SRGAP3: variants seen among roughly 807,000 people sequenced by gnomAD.
SRGAP3 encodes SLIT-ROBO Rho GTPase-activating protein 3.
SRGAP3 carries 39 observed loss-of-function variants against 121.1 expected under a neutral mutation model. The observed-to-expected ratio is 0.32, with a 90% CI of 0.25 to 0.42. The LOEUF is 0.42. SRGAP3 is among the 10% of genes least tolerant of loss of function. The pLI, the probability that SRGAP3 is intolerant of heterozygous loss-of-function variation, is 1.00. For missense variants in SRGAP3, 1,213 were observed against 1,470.6 expected (o/e 0.82, Z 2.86); for synonymous variants, 601 against 570.0 (o/e 1.05, Z -0.77).
At chr3:9,311,881 C>T (rs562255929) in intron 3 of SRGAP3, among the ~76,000 whole-genome samples, 11 of 152,290 alleles carry the variant, frequency 7.2e-5, no homozygotes, top group African/African-American at 2.4e-4. Flanking sequence ...TTTTCTGTGT[C>T]AAATCTCTGC....
intron 3 of SRGAP3, among the ~76,000 whole-genome samples, chr3:9,281,570 T>C (rs1252441313): frequency 6.6e-6 from 1 of 152,174 alleles, no homozygotes; most frequent in East Asian, 1.9e-4. Flanking sequence ...ATTACTATTA[T>C]TATGAAAAGG....
At chr3:9,326,800 T>C (rs1051349269) in intron 2 of SRGAP3, among the ~76,000 whole-genome samples, 1 of 151,854 alleles carries the variant, frequency 6.6e-6, no homozygotes, top group Admixed American at 6.5e-5. Flanking sequence ...TTTAAAACAT[T>C]GGATATTACA....
At chr3:9,122,878 A>T (rs1482268939) in intron 2 of SRGAP3, among the ~76,000 whole-genome samples, 1 of 152,220 alleles carries the variant, frequency 6.6e-6, no homozygotes, top group African/African-American at 2.4e-5. Flanking sequence ...TTAAAGGCAG[A>T]GAGCTCCCTG....
At chr3:9,279,870 G>A (rs371038841) in intron 3 of SRGAP3, among the ~76,000 whole-genome samples, 14 of 152,286 alleles carry the variant, frequency 9.2e-5, no homozygotes, top group African/African-American at 3.4e-4. Flanking sequence ...TAAGGTGGCA[G>A]ACCCCACAAT....
At position 9,115,125 on chromosome 3, in the gene SRGAP3, G is replaced by A. The variant is rs112030006; in HGVS notation, c.260+9600C>T. On this transcript the variant is annotated intron_variant, in intron 2 of 21. Coordinates refer to ENST00000383836, the MANE Select transcript of SRGAP3 (RefSeq NM_014850.4). ...TCTTTCACGGGTCAGCTGTGGGTCTGAAGTTAGGGTTCACCCTGCCTTGCC... is the reference window on the plus strand; with the variant it reads ...TCTTTCACGGGTCAGCTGTGGGTCTAAAGTTAGGGTTCACCCTGCCTTGCC... Among the ~76,000 whole-genome samples, 106 of 152,290 alleles carry A rather than the reference G, an allele frequency of 7.0e-4. 1 individual carries two copies. Among genetic ancestry groups the A allele is most frequent in the African/African-American group, 2.4e-3 (100 of 41,570 alleles).
intron 1 of SRGAP3, among the ~76,000 whole-genome samples, chr3:9,222,247 T>C (rs1041873217): frequency 3.3e-5 from 5 of 152,228 alleles, no homozygotes; most frequent in African/African-American, 1.2e-4. Context: ...GTACCTGTCA[T>C]GTAGTTGAAG....
intron 3 of SRGAP3, among the ~76,000 whole-genome samples, chr3:9,307,617 G>C (rs1016502874): frequency 1.3e-5 from 2 of 152,140 alleles, no homozygotes; most frequent in Admixed American, 1.3e-4. Context: ...TACTATTAAA[G>C]GTCCTAAACA....
At chr3:9,183,511 A>G (rs1305998891) in intron 1 of SRGAP3, among the ~76,000 whole-genome samples, 1 of 152,128 alleles carries the variant, frequency 6.6e-6, no homozygotes, top group Non-Finnish European at 1.5e-5. Context: ...TTATGTACGT[A>G]TAAAACATTG....
chr3:9,185,835 T>C (rs893930012), intron 1 of SRGAP3, among the ~76,000 whole-genome samples: 43 of 152,076 alleles, frequency 2.8e-4, no homozygotes, highest in Admixed American at 2.7e-3. Flanking sequence ...CTGCACCTGA[T>C]TGAGATGTCT....
intron 1 of SRGAP3, among the ~76,000 whole-genome samples, chr3:9,225,289 A>T (rs1280976139): frequency 6.6e-6 from 1 of 152,110 alleles, no homozygotes; most frequent in African/African-American, 2.4e-5. Context: ...TCTGCACCCA[A>T]CACCACCTTC....
intron 1 of SRGAP3, among the ~76,000 whole-genome samples, chr3:9,346,922 G>A (rs1407299599): frequency 6.6e-6 from 1 of 151,626 alleles, no homozygotes; most frequent in African/African-American, 2.4e-5. Flanking sequence ...CACCTGGCTA[G>A]TTTTTGTATT....
intron 1 of SRGAP3, among the ~76,000 whole-genome samples, chr3:9,152,383 A>G (rs761084516): frequency 4.2e-4 from 64 of 152,204 alleles, no homozygotes; most frequent in Non-Finnish European, 7.1e-4. Flanking sequence ...CAGCCAGCCA[A>G]TATTTCTCTC....
intron 18 of SRGAP3, among the ~76,000 whole-genome samples, chr3:9,008,522 A>G (rs947924895): frequency 6.6e-6 from 1 of 152,208 alleles, no homozygotes; most frequent in Non-Finnish European, 1.5e-5. Flanking sequence ...AAAAAGAGCA[A>G]CAGATGGAGA....
chr3:9,002,984 T>C (rs1250691131), intron 18 of SRGAP3, among the ~76,000 whole-genome samples: 1 of 152,190 alleles, frequency 6.6e-6, no homozygotes, highest in East Asian at 1.9e-4. Context: ...ATGGCTACAT[T>C]GTTGAATTCT....
chr3:9,357,844 T>C (rs2030602507), intron 1 of SRGAP3, among the ~76,000 whole-genome samples: 1 of 152,058 alleles, frequency 6.6e-6, no homozygotes, highest in African/African-American at 2.4e-5. Context: ...TTATAAAAGT[T>C]CACATAACAC....
intron 15 of SRGAP3, chr3:9,014,720 A>G (rs1035015744): frequency 2.0e-5 from 3 of 152,178 alleles, no homozygotes; most frequent in African/African-American, 7.2e-5. Context: ...TACACACACA[A>G]TAAAAAAGAG....
In SRGAP3 at chr3:9,111,135, C is replaced by A. The variant is rs562414626; in HGVS notation, c.261-6293G>T. ...GGGACACAACCTTGAGCCCAACAGA[C>A]ACAGTTCCTGCCTTCATGGAGCAGA... On this transcript the variant is annotated intron_variant, in intron 2 of 21. Coordinates refer to ENST00000383836, the MANE Select transcript of SRGAP3 (RefSeq NM_014850.4). Among the ~76,000 whole-genome samples, 3 of 152,362 alleles carry A rather than the reference C, an allele frequency of 2.0e-5. No homozygotes were observed. In the South Asian group the frequency reaches 6.2e-4, roughly 32 times the overall value.
intron 2 of SRGAP3, among the ~76,000 whole-genome samples, chr3:9,326,751 T>C (rs545140290): frequency 2.0e-5 from 3 of 152,068 alleles, no homozygotes; most frequent in African/African-American, 7.2e-5. Flanking sequence ...CATGATAATC[T>C]AGAGCTTGAT....
At chr3:9,019,642 G>A (rs1943815695) in intron 14 of SRGAP3, among the ~76,000 whole-genome samples, 1 of 152,220 alleles carries the variant, frequency 6.6e-6, no homozygotes, top group African/African-American at 2.4e-5. Flanking sequence ...TTTTTACTCT[G>A]CTTCTGTGGA....
Sources: allele counts gnomAD v4.1 joint callset (sites outside exome capture counted in the v4.1 genomes callset), GRCh38; gene constraint gnomAD v4.1.1; transcripts MANE v1.5; gene names NCBI Gene and HGNC (gene_info 2026-07-23, HGNC 2026-07-21).